PGM5: variants seen among roughly 807,000 people sequenced by gnomAD.
PGM5 encodes phosphoglucomutase-like protein 5.
PGM5 carries 23 observed loss-of-function variants against 59.2 expected under a neutral mutation model. That is an observed-to-expected ratio of 0.39 (90% CI 0.28 to 0.55). PGM5 has a LOEUF of 0.55. Among genes scored for constraint, PGM5 ranks in the 20% least tolerant of loss-of-function variants. The pLI, the probability that PGM5 is intolerant of heterozygous loss-of-function variation, is 0.66. For synonymous variants in PGM5, 214 were observed against 286.0 expected (o/e 0.75, Z 2.54); for missense variants, 574 against 748.3 (o/e 0.77, Z 2.72).
intron 1 of PGM5, among the ~76,000 whole-genome samples, chr9:68,373,647 G>A (rs1401148238): frequency 1.1e-4 from 16 of 152,106 alleles, no homozygotes; most frequent in East Asian, 3.9e-4. Context: ...TTAAACTGTC[G>A]TTTATGTTTC....
chr9:68,376,335 T>C (rs754693610), intron 1 of PGM5, among the ~76,000 whole-genome samples: 30 of 152,200 alleles, frequency 2.0e-4, no homozygotes, highest in Non-Finnish European at 4.3e-4. Context: ...GTCTAATTCC[T>C]TCCTAATATG....
intron 7 of PGM5, among the ~76,000 whole-genome samples, chr9:68,471,570 C>T (rs1391808185): frequency 6.6e-6 from 1 of 150,466 alleles, no homozygotes; most frequent in Non-Finnish European, 1.5e-5. Flanking sequence ...TGCCTGAGGC[C>T]AGGAGTTCAA....
rs1825048880 is a variant in PGM5, at chr9:68,529,590, C to T, written c.1638C>T (p.Ala546=). The T allele has an allele frequency of 6.3e-7, 1 of 1,598,402 alleles. No individual in the cohort carries two copies. The change falls in exon 11 of 11, where the codon GCC becomes GCT. Residue 546 remains alanine (A), a synonymous_variant. Coordinates refer to ENST00000396396, the MANE Select transcript of PGM5 (RefSeq NM_021965.4). ...AGGCAGTGCTGAGCCCTCTCATAGC[C>T]ATCGCACTGAAAATATCCCAGATTC... ...EPQAVLSPLI[A]IALKISQIHE... is the part of the protein sequence containing the mutation.
chr9:68,434,316 C>CAAAAAAAAA (rs71353054), intron 6 of PGM5, among the ~76,000 whole-genome samples: 4 of 90,830 alleles, frequency 4.4e-5, no homozygotes, highest in Admixed American at 1.5e-4. Context: ...GACTCCGTCT[C>CAAAAAAAAA]AAAAAAAAAA....
chr9:68,499,032 A>C (rs1261964587), intron 9 of PGM5, 195 bp from the exon 10 acceptor site: 3 of 593,432 alleles, frequency 5.1e-6, no homozygotes, highest in Non-Finnish European at 8.8e-6. Context: ...CGGAAATAGA[A>C]TAAAGAGACA....
At chr9:68,390,793 G>A (rs540533437) in intron 4 of PGM5, among the ~76,000 whole-genome samples, 186 of 151,582 alleles carry the variant, frequency 1.2e-3, no homozygotes, top group African/African-American at 4.4e-3. Flanking sequence ...CACCAGAAAT[G>A]CTGCTTCTTC....
chr9:68,409,958 T>A (rs1822897767), intron 6 of PGM5, among the ~76,000 whole-genome samples: 1 of 152,008 alleles, frequency 6.6e-6, no homozygotes, highest in African/African-American at 2.4e-5. Context: ...TTCTCATCAC[T>A]TCTCAGGGCC....
At chr9:68,493,926 T>C (rs1824441055) in intron 9 of PGM5, among the ~76,000 whole-genome samples, 1 of 152,220 alleles carries the variant, frequency 6.6e-6, no homozygotes, top group Non-Finnish European at 1.5e-5. Flanking sequence ...TCAATCATTC[T>C]TCACTGGGAC....
chr9:68,526,077 A>G (rs1283691978), intron 10 of PGM5, among the ~76,000 whole-genome samples: 5 of 151,638 alleles, frequency 3.3e-5, no homozygotes. Flanking sequence ...AGAAAGAAAG[A>G]AAAAAAAGGA....
chr9:68,375,391 C>A (rs1821853407), intron 1 of PGM5, among the ~76,000 whole-genome samples: 1 of 152,188 alleles, frequency 6.6e-6, no homozygotes, highest in South Asian at 2.1e-4. Flanking sequence ...TTCTGTTCAT[C>A]CTCCTTCCAA....
At chr9:68,476,640 G>A (rs940607876) in intron 7 of PGM5, among the ~76,000 whole-genome samples, 8 of 152,190 alleles carry the variant, frequency 5.3e-5, no homozygotes, top group African/African-American at 1.7e-4. Context: ...CATCATTAAT[G>A]TCTCTGTCCC....
At position 68,501,321 on chromosome 9, in the gene PGM5, C is replaced by A. The variant is rs1286845710; in HGVS notation, c.1614+1960C>A. 6.6e-5 allele frequency among the ~76,000 whole-genome samples: 10 copies of A among 152,154 alleles called. 1 individual carries two copies. Among genetic ancestry groups the A allele is most frequent in the South Asian group, 6.2e-4 (3 of 4,822 alleles). The stretch of plus-strand genomic sequence containing the variant: ...TGACTCACCAACTTAAGCCCTATTG[C>A]ATAATACATTTGAGTCAGGATATAA... On this transcript the variant is annotated intron_variant, in intron 10 of 10. Coordinates refer to ENST00000396396, the MANE Select transcript of PGM5 (RefSeq NM_021965.4).
chr9:68,529,640 C>T lies in PGM5; in HGVS notation c.1688C>T (p.Pro563Leu). 4 of 1,595,210 alleles carry T rather than the reference C, an allele frequency of 2.5e-6. No homozygotes were observed. Among genetic ancestry groups the T allele is most frequent in the Non-Finnish European group, 3.4e-6 (4 of 1,167,486 alleles). ...QIHERTGRRG[P>L]TVIT ...CATGAGAGAACTGGCCGGAGGGGAC[C>T]CACTGTCATCACCTGAATAGAGGAA... is the stretch of plus-strand genomic sequence containing the variant. Residue 563 changes from proline to leucine, a missense_variant, in exon 11 of 11, where the codon CCC becomes CTC. Coordinates refer to ENST00000396396, the MANE Select transcript of PGM5 (RefSeq NM_021965.4).
At chr9:68,390,398 C>T (rs528997529) in intron 4 of PGM5, among the ~76,000 whole-genome samples, 13 of 152,206 alleles carry the variant, frequency 8.5e-5, no homozygotes, top group African/African-American at 2.4e-4. Flanking sequence ...AGATGGAGGA[C>T]GCTGATTGCG....
chr9:68,434,779 C>T (rs1365958250), intron 6 of PGM5, among the ~76,000 whole-genome samples: 6 of 150,848 alleles, frequency 4.0e-5, no homozygotes, highest in Non-Finnish European at 8.8e-5. Flanking sequence ...GACAGCAAGA[C>T]TCCATCTCAA....
chr9:68,456,861 G>A (rs1299355485), intron 6 of PGM5, among the ~76,000 whole-genome samples: 2 of 150,850 alleles, frequency 1.3e-5, no homozygotes, highest in Non-Finnish European at 3.0e-5. Flanking sequence ...CCTGAACTCA[G>A]GTGATCTACC....
chr9:68,407,797 G>A (rs2480127), intron 6 of PGM5, among the ~76,000 whole-genome samples: 152,157 of 152,348 alleles, frequency 1, 75,983 homozygotes, highest in Middle Eastern at 1. Flanking sequence ...GCCAAAAGCA[G>A]CAAAAGTGAA....
chr9:68,452,512 C>T (rs970745075), intron 6 of PGM5, among the ~76,000 whole-genome samples: 16 of 152,168 alleles, frequency 1.1e-4, no homozygotes, highest in East Asian at 1.9e-4. Flanking sequence ...CTCCCATAGA[C>T]GACTAGAACC....
At chr9:68,440,252 G>A (rs1823504893) in intron 6 of PGM5, among the ~76,000 whole-genome samples, 1 of 152,142 alleles carries the variant, frequency 6.6e-6, no homozygotes, top group African/African-American at 2.4e-5. Context: ...TACATTTATA[G>A]AACCCTCCAA....
Sources: gnomAD v4.1 joint callset for allele counts (sites outside exome capture counted in the v4.1 genomes callset) on GRCh38, gnomAD v4.1.1 for gene constraint, MANE v1.5 for transcripts, NCBI Gene and HGNC (gene_info 2026-07-23, HGNC 2026-07-21) for gene names.